The following PSMD14 variants were observed in gnomAD, a reference collection of about 807,000 sequenced individuals.
The protein encoded by PSMD14 is proteasome 26S subunit, non-ATPase 14, also known as ubiquitin C-terminal hydrolase PSMD14.
In PSMD14, 7 loss-of-function variants were observed where a neutral mutation model predicts 41.2. The observed-to-expected ratio is 0.17, with a 90% CI of 0.10 to 0.32. The LOEUF (loss-of-function observed/expected upper bound fraction) is 0.32, where lower values mean the gene tolerates loss of function less well. Ranked by LOEUF, PSMD14 falls within the 10% of genes least tolerant of loss-of-function variation. The pLI is 1.00. For missense variants in PSMD14, 139 were observed against 375.6 expected, an observed-to-expected ratio of 0.37 and a Z score of 5.21; for synonymous variants, 114 against 122.3, an observed-to-expected ratio of 0.93 and a Z score of 0.45.
intron 10 of PSMD14, among the ~76,000 whole-genome samples, chr2:161,406,648 T>C (rs1364579212): frequency 2.0e-5 from 3 of 152,136 alleles, no homozygotes; most frequent in East Asian, 3.8e-4. Flanking sequence ...TATCTTAGAA[T>C]TGAAGAGATA....
intron 3 of PSMD14, among the ~76,000 whole-genome samples, chr2:161,345,368 G>T (rs1406546837): frequency 6.7e-6 from 1 of 149,702 alleles, no homozygotes; most frequent in Non-Finnish European, 1.5e-5. Context: ...TCACCCTCCT[G>T]AGTAGCTGGG....
chr2:161,336,077 T>C (rs1186058539), intron 3 of PSMD14, among the ~76,000 whole-genome samples: 1 of 152,236 alleles, frequency 6.6e-6, no homozygotes, highest in Non-Finnish European at 1.5e-5. Context: ...TGTGGCAGAA[T>C]AGCTTTGCTT....
intron 10 of PSMD14, among the ~76,000 whole-genome samples, chr2:161,395,925 C>T (rs1394663953): frequency 6.6e-6 from 1 of 152,144 alleles, no homozygotes; most frequent in South Asian, 2.1e-4. Flanking sequence ...GTCCACACAC[C>T]AGCTACATTA....
intron 10 of PSMD14, among the ~76,000 whole-genome samples, chr2:161,406,037 C>T (rs1219302905): frequency 2.0e-5 from 3 of 152,070 alleles, no homozygotes; most frequent in Non-Finnish European, 2.9e-5. Context: ...AATTGACCTC[C>T]TGGAGATCCT....
chr2:161,406,273 A>G (rs1683946431), intron 10 of PSMD14, among the ~76,000 whole-genome samples: 1 of 152,186 alleles, frequency 6.6e-6, no homozygotes, highest in Non-Finnish European at 1.5e-5. Flanking sequence ...AGAGCTGTGC[A>G]GACCGTGCAT....
At chr2:161,332,434 C>T (rs975829784) in intron 3 of PSMD14, among the ~76,000 whole-genome samples, 1 of 152,136 alleles carries the variant, frequency 6.6e-6, no homozygotes, top group African/African-American at 2.4e-5. Context: ...AAGCTAATTT[C>T]AATGACCAAT....
chr2:161,392,938 T>C (rs1683733545), intron 9 of PSMD14, among the ~76,000 whole-genome samples: 1 of 152,178 alleles, frequency 6.6e-6, no homozygotes, highest in Admixed American at 6.5e-5. Flanking sequence ...TTTCTTTCTT[T>C]TTTTTTGGGG....
At chr2:161,401,615 C>A (rs955474195) in intron 10 of PSMD14, among the ~76,000 whole-genome samples, 2 of 152,208 alleles carry the variant, frequency 1.3e-5, no homozygotes, top group Non-Finnish European at 2.9e-5. Flanking sequence ...ACTACAGTTT[C>A]TCTTACATAC....
intron 3 of PSMD14, among the ~76,000 whole-genome samples, chr2:161,352,250 A>G (rs1347003200): frequency 6.6e-6 from 1 of 152,190 alleles, no homozygotes; most frequent in Non-Finnish European, 1.5e-5. Context: ...AAATAAAAAA[A>G]GATTCCTGAG....
At chr2:161,353,685 C>A (rs1683151688) in intron 3 of PSMD14, among the ~76,000 whole-genome samples, 1 of 152,150 alleles carries the variant, frequency 6.6e-6, no homozygotes, top group African/African-American at 2.4e-5. Flanking sequence ...TATTTTTGTA[C>A]TTATTCTATA....
At chr2:161,389,912 T>TTTTTTTTTTTTTTTA (rs1299369817) in intron 8 of PSMD14, among the ~76,000 whole-genome samples, 4 of 130,282 alleles carry the variant, frequency 3.1e-5, no homozygotes, top group African/African-American at 1.3e-4. Context: ...TTTTTTTTTT[T>TTTTTTTTTTTTTTTA]AGAGATGGGG....
Position 161,355,216 on chromosome 2 carries a change from T to C in PSMD14, c.49-12262T>C, listed in dbSNP as rs189251216. 3.0e-4 allele frequency among the ~76,000 whole-genome samples: 46 copies of C among 152,324 alleles called. 1 individual carries two copies. The highest frequency in any genetic ancestry group is 1.1e-3 in the African/African-American group (44 of 41,572). ...ACTTACTCAAGAACCTAGGTATATTTCAGCAGTGGGTGAAATTATGTCTTT... is the reference window on the plus strand; with the variant it reads ...ACTTACTCAAGAACCTAGGTATATTCCAGCAGTGGGTGAAATTATGTCTTT... On this transcript the variant is annotated intron_variant, in intron 3 of 11. Coordinates refer to ENST00000409682, the MANE Select transcript of PSMD14 (RefSeq NM_005805.6).
At chr2:161,372,453 A>C (rs1683448841) in intron 7 of PSMD14, among the ~76,000 whole-genome samples, 1 of 151,986 alleles carries the variant, frequency 6.6e-6, no homozygotes, top group African/African-American at 2.4e-5. Flanking sequence ...TTCTGACATC[A>C]TGTCATTATC....
At chr2:161,379,953 G>A (rs1457404633) in intron 7 of PSMD14, among the ~76,000 whole-genome samples, 1 of 152,032 alleles carries the variant, frequency 6.6e-6, no homozygotes, top group Non-Finnish European at 1.5e-5. Context: ...AGTATGACCT[G>A]GTGTGAATGC....
intron 7 of PSMD14, chr2:161,385,180 T>C (rs1205411111): frequency 5.1e-6 from 1 of 196,020 alleles, no homozygotes; most frequent in Non-Finnish European, 1.0e-5. Context: ...CTGTTTGGTG[T>C]AAGTTTAGTA....
chr2:161,313,795 C>A (rs910541096), intron 1 of PSMD14, among the ~76,000 whole-genome samples: 2 of 150,954 alleles, frequency 1.3e-5, no homozygotes, highest in African/African-American at 4.9e-5. Context: ...TTGTGTAGAT[C>A]AGTTCTGTAT....
intron 3 of PSMD14, among the ~76,000 whole-genome samples, chr2:161,340,477 A>G (rs1682934875): frequency 6.6e-6 from 1 of 152,238 alleles, no homozygotes; most frequent in Non-Finnish European, 1.5e-5. Flanking sequence ...TGTTCGTTTT[A>G]TCTAAGGTGT....
At chr2:161,405,146 G>A (rs749116799) in intron 10 of PSMD14, among the ~76,000 whole-genome samples, 30 of 152,224 alleles carry the variant, frequency 2.0e-4, no homozygotes, top group Non-Finnish European at 4.0e-4. Context: ...GCATCGTGTA[G>A]GTTTGAAACT....
At chr2:161,357,306 A>G (rs1334555331) in intron 3 of PSMD14, among the ~76,000 whole-genome samples, 4 of 152,112 alleles carry the variant, frequency 2.6e-5, no homozygotes, top group Non-Finnish European at 4.4e-5. Context: ...AGAATTCATA[A>G]CAGGTTTTAT....
Sources: gnomAD v4.1 joint callset for allele counts (sites outside exome capture counted in the v4.1 genomes callset) on GRCh38, gnomAD v4.1.1 for gene constraint, MANE v1.5 for transcripts, NCBI Gene and HGNC (gene_info 2026-07-23, HGNC 2026-07-21) for gene names.